The following NOD1 variants were observed in gnomAD, a reference collection of about 807,000 sequenced individuals.
NOD1 encodes nucleotide-binding oligomerization domain-containing protein 1.
A neutral mutation model predicts 81.2 loss-of-function variants in NOD1; 70 were observed. The ratio of observed to expected loss-of-function variants is 0.86; its 90% CI spans 0.71 to 1.05. The LOEUF is 1.05. Among genes scored for constraint, NOD1 ranks in the 50% least tolerant of loss-of-function variants. The probability of loss-of-function intolerance (pLI) is 0.00; values close to 1 mark genes in which losing one functional copy is unlikely to be tolerated. For missense variants in NOD1, 1,233 were observed against 1,228.0 expected, an observed-to-expected ratio of 1.00 and a Z score of -0.06; for synonymous variants, 508 against 526.9, an observed-to-expected ratio of 0.96 and a Z score of 0.49.
At chr7:30,428,131 T>A (rs1185300348) in intron 13 of NOD1, among the ~76,000 whole-genome samples, 1 of 152,222 alleles carries the variant, frequency 6.6e-6, no homozygotes, top group Non-Finnish European at 1.5e-5. Flanking sequence ...TGGATTGCAG[T>A]GGCATGATCC....
intron 9 of NOD1, among the ~76,000 whole-genome samples, chr7:30,445,528 G>A (rs1435326577): frequency 6.6e-6 from 1 of 151,802 alleles, no homozygotes; most frequent in Non-Finnish European, 1.5e-5. Context: ...GGAGACCGAG[G>A]TGGGTGGATC....
At chr7:30,435,524 G>T (rs1212963616) in intron 11 of NOD1, among the ~76,000 whole-genome samples, 1 of 152,158 alleles carries the variant, frequency 6.6e-6, no homozygotes, top group Non-Finnish European at 1.5e-5. Flanking sequence ...TATGCTTGTA[G>T]AAGTGGCTAT....
intron 8 of NOD1, 64 bp from the exon 9 acceptor site, chr7:30,446,288 C>G (rs1007032866): frequency 5.0e-6 from 6 of 1,200,244 alleles, no homozygotes; most frequent in Non-Finnish European, 7.5e-6. Context: ...GGGTCACCCT[C>G]CTCCCCAGCA....
intron 4 of NOD1, 70 bp downstream of exon 4, chr7:30,456,651 C>T (rs1786402473): frequency 7.3e-7 from 1 of 1,374,618 alleles, no homozygotes; most frequent in African/African-American, 1.4e-5. Context: ...TCACTCAGAT[C>T]AGCAGGGAGA....
chr7:30,461,618 G>C (rs980357979), intron 1 of NOD1, among the ~76,000 whole-genome samples: 1 of 152,226 alleles, frequency 6.6e-6, no homozygotes, highest in Non-Finnish European at 1.5e-5. Flanking sequence ...ATGCGGCCAG[G>C]GGCTACTCAA....
Position 30,451,755 on chromosome 7 carries a change from C to A in NOD1, c.1662G>T (p.Ala554=), listed in dbSNP as rs141577782. ...FQEWMPPAGA[A]TTSCYPPFLP... ...GGAAGGGAGGATAGCAGGACGTGGT[C>A]GCTGCCCCCGCAGGGGGCATCCACT... is the stretch of plus-strand genomic sequence containing the variant. Residue 554 remains alanine (A), a synonymous_variant, in exon 6 of 14, where the codon GCG becomes GCT. Transcript: ENST00000222823. The surrounding 1 kb of genome is among the most constrained non-coding windows in gnomAD (Gnocchi z 4.2). 3 of 1,613,560 alleles carry A rather than the reference C, an allele frequency of 1.9e-6. No homozygotes were observed. The South Asian group carries it at 3.3e-5, about 18-fold the overall frequency.
At chr7:30,476,196 A>G (rs17770244) in intron 1 of NOD1, among the ~76,000 whole-genome samples, 10,882 of 152,312 alleles carry the variant, frequency 0.071, 471 homozygotes, top group Admixed American at 0.12. Flanking sequence ...ACAAATATTG[A>G]ATCCTTTTCT....
chr7:30,457,770 C>A (rs767526597), intron 3 of NOD1, among the ~76,000 whole-genome samples: 2 of 152,090 alleles, frequency 1.3e-5, no homozygotes, highest in Non-Finnish European at 2.9e-5. Flanking sequence ...ACAAAATAGC[C>A]TGAGAAGAGA....
chr7:30,436,965 G>A (rs752265035), intron 10 of NOD1, among the ~76,000 whole-genome samples: 10 of 152,046 alleles, frequency 6.6e-5, no homozygotes, highest in Admixed American at 5.9e-4. Flanking sequence ...CAAAGACTTG[G>A]AACCAACCCA....
At chr7:30,463,220 G>A (rs868693456) in intron 1 of NOD1, among the ~76,000 whole-genome samples, 5 of 152,084 alleles carry the variant, frequency 3.3e-5, no homozygotes, top group African/African-American at 9.7e-5. Context: ...CAACCCATAT[G>A]CTTGAAATCT....
intron 1 of NOD1, among the ~76,000 whole-genome samples, chr7:30,471,647 G>A (rs935549175): frequency 1.3e-5 from 2 of 152,262 alleles, no homozygotes; most frequent in African/African-American, 2.4e-5. Context: ...ACAGCTAGGC[G>A]GAGCAGAACA....
chr7:30,476,009 G>T (rs1443221973), intron 1 of NOD1: 1 of 152,036 alleles, frequency 6.6e-6, no homozygotes, highest in African/African-American at 2.4e-5. Context: ...AAAGAAAATG[G>T]GACTTCTGAA....
At chr7:30,449,353 T>G (rs1785445478) in intron 6 of NOD1, among the ~76,000 whole-genome samples, 1 of 152,214 alleles carries the variant, frequency 6.6e-6, no homozygotes, top group African/African-American at 2.4e-5. Context: ...TTCTTAGCAA[T>G]AGATTCCCCC....
intron 10 of NOD1, among the ~76,000 whole-genome samples, chr7:30,437,024 C>T (rs1375030089): frequency 6.6e-6 from 1 of 152,160 alleles, no homozygotes; most frequent in Non-Finnish European, 1.5e-5. Flanking sequence ...CACATACACA[C>T]TATGGAATAC....
intron 11 of NOD1, chr7:30,433,522 C>T: frequency 6.4e-6 from 2 of 314,802 alleles, no homozygotes; most frequent in South Asian, 5.5e-5. Flanking sequence ...CAGTTCTCCT[C>T]TAGTCCCAGG....
rs1473069219 is a variant in NOD1 at position 30,452,767 on chromosome 7, C to T, written c.650G>A (p.Ser217Asn). The T allele has an allele frequency of 1.2e-6, 2 of 1,614,070 alleles. No individual in the cohort carries two copies. Among genetic ancestry groups the T allele is most frequent in the Non-Finnish European group, 8.5e-7 (1 of 1,180,026 alleles). The change falls in exon 6 of 14, where the codon AGC becomes AAC. Residue 217 changes from serine (S) to asparagine (N), a missense_variant. Ser to Asn is a conservative substitution (Grantham distance 46). Coordinates refer to ENST00000222823, the MANE Select transcript of NOD1 (RefSeq NM_006092.4). ...GKSMLLQRLQ[S>N]LWATGRLDAG... ...GTCTAGCCGGCCCGTGGCCCAGAGG[C>T]TCTGCAGCCGCTGTAGCAGCATGGA...
rs1583771653 is a variant in NOD1, at chr7:30,452,735, C to A, written c.682G>T (p.Val228Phe). 1 of 1,614,022 alleles carries A rather than the reference C, an allele frequency of 6.2e-7. No individual in the cohort carries two copies. The stretch of plus-strand genomic sequence containing the variant: ...CAGCGAAAGTGGAAGAAGAATTTGA[C>A]CCCTGCGTCTAGCCGGCCCGTGGCC... Reference protein sequence around the residue: ...LWATGRLDAGVKFFFHFRCRM... With the variant: ...LWATGRLDAGFKFFFHFRCRM... Residue 228 changes from valine (V) to phenylalanine (F), a missense_variant, in exon 6 of 14, where the codon GTC becomes TTC. Val to Phe is a conservative substitution (Grantham distance 50). Coordinates refer to ENST00000222823, the MANE Select transcript of NOD1 (RefSeq NM_006092.4).
In NOD1 at chr7:30,429,392, G is replaced by T; in HGVS notation, c.2771C>A (p.Thr924Asn). Residue 924 changes from threonine (T) to asparagine (N), a missense_variant, in exon 13 of 14, where the codon ACT becomes AAT. Transcript: ENST00000222823. ...AQLADALQSNTGITEICLNGN... is the reference protein window; with the variant it reads ...AQLADALQSNNGITEICLNGN... ...ATCTTACCAAATCTCTGTTATGCCA[G>T]TGTTGCTCTGTAACGCATCTGCCAG... is the stretch of plus-strand genomic sequence containing the variant. 1 of 1,614,010 alleles carries T rather than the reference G, an allele frequency of 6.2e-7. No homozygotes were observed. The highest frequency in any genetic ancestry group is 8.5e-7 in the Non-Finnish European group (1 of 1,179,816).
chr7:30,437,923 C>T (rs546710048), intron 9 of NOD1, among the ~76,000 whole-genome samples: 7 of 152,300 alleles, frequency 4.6e-5, no homozygotes, highest in South Asian at 2.1e-4. Flanking sequence ...AGTTAGAGAC[C>T]GAGCCTCACC....
Sources: allele counts gnomAD v4.1 joint callset (sites outside exome capture counted in the v4.1 genomes callset), GRCh38; gene constraint gnomAD v4.1.1; non-coding constraint Gnocchi (gnomAD v3.1); transcripts MANE v1.5; gene names NCBI Gene and HGNC (gene_info 2026-07-23, HGNC 2026-07-21).